Variants in RGSL1 observed in about 807,000 individuals in gnomAD.
RGSL1 encodes the protein regulator of G protein signaling like 1.
In RGSL1, 97 loss-of-function variants were observed where a neutral mutation model predicts 124.7. That is an observed-to-expected ratio of 0.78 (90% CI 0.66 to 0.92). The LOEUF (loss-of-function observed/expected upper bound fraction) is 0.92. Ranked by LOEUF, RGSL1 falls within the 40% of genes least tolerant of loss-of-function variation. The pLI is 0.00. For synonymous variants in RGSL1, 424 were observed against 438.1 expected, an observed-to-expected ratio of 0.97 and a Z score of 0.40; for missense variants, 1,233 against 1,288.4, an observed-to-expected ratio of 0.96 and a Z score of 0.66.
At position 182,554,659 on chromosome 1, in the gene RGSL1, G is replaced by T. The variant is rs756518318; in HGVS notation, c.3163G>T (p.Val1055Leu). 2 of 1,551,678 alleles carry T rather than the reference G, an allele frequency of 1.3e-6. No individual in the cohort carries two copies. Among genetic ancestry groups the T allele is most frequent in the Non-Finnish European group, 1.7e-6 (2 of 1,147,010 alleles). Residue 1055 changes from valine (V) to leucine (L), a missense_variant, in exon 20 of 22, where the codon GTG becomes TTG. Transcript: ENST00000294854. ...AAGCAAACTTACTCAGCCAAGACTC[G>T]TGGTATCTGCCATGCAGCTGCATCC... ...SSSKLTQPRL[V>L]VSAMQLHPVQ...
chr1:182,559,723 A>G (rs1661066174), intron 21 of RGSL1, among the ~76,000 whole-genome samples: 1 of 151,868 alleles, frequency 6.6e-6, no homozygotes, highest in African/African-American at 2.4e-5. Flanking sequence ...TCCTCTCTCT[A>G]TCTCATACAC....
At chr1:182,468,011 G>A (rs1653491210) in intron 4 of RGSL1, among the ~76,000 whole-genome samples, 1 of 152,140 alleles carries the variant, frequency 6.6e-6, no homozygotes, top group Admixed American at 6.5e-5. Flanking sequence ...AAGACAACAT[G>A]AAAAAATGCT....
chr1:182,526,522 T>C (rs968532882), intron 10 of RGSL1, among the ~76,000 whole-genome samples: 4 of 151,508 alleles, frequency 2.6e-5, no homozygotes, highest in Non-Finnish European at 5.9e-5. Flanking sequence ...AACACAAACA[T>C]TATTAGCAGG....
At chr1:182,492,311 C>A (rs905905901) in intron 8 of RGSL1, among the ~76,000 whole-genome samples, 1 of 152,162 alleles carries the variant, frequency 6.6e-6, no homozygotes, top group Non-Finnish European at 1.5e-5. Context: ...ATGGCAAAAA[C>A]CCGTCTCTGC....
chr1:182,545,058 ACTC>A (rs1660125506), intron 15 of RGSL1, among the ~76,000 whole-genome samples: 1 of 151,342 alleles, frequency 6.6e-6, no homozygotes, highest in African/African-American at 2.4e-5. Context: ...TTGTTTTTGA[ACTC>A]CTCTCTTCCT....
chr1:182,491,280 G>C (rs1412999091), intron 8 of RGSL1, among the ~76,000 whole-genome samples: 1 of 151,958 alleles, frequency 6.6e-6, no homozygotes, highest in Non-Finnish European at 1.5e-5. Context: ...CAGTGGCACT[G>C]TCTTGACTCA....
intron 21 of RGSL1, among the ~76,000 whole-genome samples, chr1:182,558,512 T>C (rs1262023467): frequency 6.6e-6 from 1 of 152,206 alleles, no homozygotes; most frequent in Non-Finnish European, 1.5e-5. Flanking sequence ...TGTTCCCCTC[T>C]GGAGGCTGTT....
At chr1:182,528,877 C>G (rs1371089210) in intron 11 of RGSL1, among the ~76,000 whole-genome samples, 1 of 152,196 alleles carries the variant, frequency 6.6e-6, no homozygotes, top group Non-Finnish European at 1.5e-5. Context: ...GGGGAGGCCT[C>G]AGGAAACTTT....
At chr1:182,487,807 A>G (rs12031689) in intron 6 of RGSL1, among the ~76,000 whole-genome samples, 15,391 of 152,268 alleles carry the variant, frequency 0.1, 948 homozygotes, top group South Asian at 0.18. Context: ...ATGGGTTAAT[A>G]TATCTAGCTA....
chr1:182,496,983 C>T (rs777064307), intron 9 of RGSL1, among the ~76,000 whole-genome samples: 4 of 152,056 alleles, frequency 2.6e-5, no homozygotes, highest in Non-Finnish European at 4.4e-5. Context: ...AATGCTTAGC[C>T]TTTATTGTTT....
At chr1:182,473,388 G>C (rs1392922599) in intron 5 of RGSL1, among the ~76,000 whole-genome samples, 187 bp from the exon 6 acceptor site, 2 of 152,160 alleles carry the variant, frequency 1.3e-5, no homozygotes, top group South Asian at 4.1e-4. Context: ...AGGGATCCCT[G>C]TGTGCTGAGA....
chr1:182,470,279 C>G (rs1198395068), intron 4 of RGSL1, among the ~76,000 whole-genome samples: 1 of 152,114 alleles, frequency 6.6e-6, no homozygotes, highest in East Asian at 1.9e-4. Flanking sequence ...CTACCAATGA[C>G]TCCTGTGTCA....
chr1:182,461,658 G>A (rs967765303), intron 4 of RGSL1, among the ~76,000 whole-genome samples: 1 of 151,848 alleles, frequency 6.6e-6, no homozygotes, highest in Admixed American at 6.6e-5. Flanking sequence ...TTAATACAGA[G>A]AAAAACCTTA....
upstream of RGSL1, chr1:182,450,114 G>C (rs1651692688): frequency 2.6e-6 from 4 of 1,547,874 alleles, no homozygotes; most frequent in East Asian, 4.9e-5. Flanking sequence ...TCTATTGACT[G>C]GGGGGTAATT....
chr1:182,476,939 A>G (rs1384125227), intron 6 of RGSL1, among the ~76,000 whole-genome samples: 5 of 152,178 alleles, frequency 3.3e-5, no homozygotes, highest in African/African-American at 7.2e-5. Flanking sequence ...TTCCTTGGCC[A>G]TTTGATATAA....
intron 11 of RGSL1, 71 bp from the exon 12 acceptor site, chr1:182,530,172 AC>A: frequency 2.0e-5 from 24 of 1,195,716 alleles, no homozygotes; most frequent in East Asian, 1.3e-4. Context: ...AAAAAAAAAA[AC>A]AAAAAACCAC....
upstream of RGSL1, chr1:182,449,980 A>C (rs980421601): frequency 5.4e-5 from 35 of 654,098 alleles, 1 homozygote; most frequent in South Asian, 6.3e-4. Context: ...GGGATTCAGC[A>C]GATTAGGTAA....
intron 9 of RGSL1, among the ~76,000 whole-genome samples, chr1:182,518,543 C>A (rs2477056): frequency 6.6e-6 from 1 of 152,070 alleles, no homozygotes; most frequent in Non-Finnish European, 1.5e-5. Flanking sequence ...CGCTTTGCCT[C>A]TCCTCAGGAA....
At chr1:182,538,801 G>T (rs1659709863) in intron 14 of RGSL1, among the ~76,000 whole-genome samples, 1 of 152,050 alleles carries the variant, frequency 6.6e-6, no homozygotes, top group African/African-American at 2.4e-5. Flanking sequence ...CACCTTAGCA[G>T]GTCAGGGACC....
Sources: gnomAD v4.1 joint callset for allele counts (sites outside exome capture counted in the v4.1 genomes callset) on GRCh38, gnomAD v4.1.1 for gene constraint, MANE v1.5 for transcripts, NCBI Gene and HGNC (gene_info 2026-07-23, HGNC 2026-07-21) for gene names.